TSNARE1: variants seen among roughly 807,000 people sequenced by gnomAD.
TSNARE1 encodes t-SNARE domain-containing protein 1.
TSNARE1 carries 49 observed loss-of-function variants against 62.0 expected under a neutral mutation model. The ratio of observed to expected loss-of-function variants is 0.79; its 90% CI spans 0.63 to 1.00. TSNARE1 has a LOEUF of 1.00. TSNARE1 is among the 50% of genes least tolerant of loss of function. TSNARE1 has a pLI of 0.00. For missense variants in TSNARE1, 755 were observed against 700.1 expected (o/e 1.08, Z -0.88); for synonymous variants, 328 against 294.4 (o/e 1.11, Z -1.17).
At chr8:142,229,679 G>T in intron 12 of TSNARE1, 100 bp from the exon 13 acceptor site, 2 of 1,011,226 alleles carry the variant, frequency 2.0e-6, no homozygotes, top group Non-Finnish European at 3.0e-6. Flanking sequence ...GCATGCAGGG[G>T]CTGAGTCCAC....
At chr8:142,238,360 G>T (rs1342672231) in intron 12 of TSNARE1, among the ~76,000 whole-genome samples, 2 of 152,016 alleles carry the variant, frequency 1.3e-5, no homozygotes, top group African/African-American at 4.8e-5. Flanking sequence ...CTCCTTTCCT[G>T]CCTCCTTTCC....
chr8:142,377,738 C>T (rs947579029), intron 1 of TSNARE1, among the ~76,000 whole-genome samples: 26 of 152,234 alleles, frequency 1.7e-4, no homozygotes, highest in Non-Finnish European at 3.7e-4. Flanking sequence ...AGAGGGACCC[C>T]TCTTCACTGC....
At chr8:142,403,666 G>C (rs1441963088), upstream of TSNARE1, 2 of 152,234 alleles carry the variant, frequency 1.3e-5, no homozygotes, top group African/African-American at 4.8e-5. Flanking sequence ...TCGGCCGGGG[G>C]CTGGCAGGCC....
chr8:142,250,071 T>C (rs1245147566), intron 12 of TSNARE1, among the ~76,000 whole-genome samples: 1 of 152,174 alleles, frequency 6.6e-6, no homozygotes, highest in Non-Finnish European at 1.5e-5. Context: ...CATGCCCTTC[T>C]TCAGAGTGCG....
At position 142,345,816 on chromosome 8, in the gene TSNARE1, GC is replaced by G; in HGVS notation, c.164del (p.Arg55ProfsTer86). ...CPSPESKLQN[R>X]CVGKDGEGDL... ...CACCTTCCCCGTCCTTCCCCACACA[GC>G]GGTTCTGCAGCTTGCTCTCTGGCGA... On this transcript the variant is annotated frameshift_variant, in exon 3 of 14. Transcript: ENST00000524325. LOFTEE classifies it high-confidence loss of function. 6.2e-7 allele frequency: 1 copy of G among 1,613,966 alleles called. No individual in the cohort carries two copies. Among genetic ancestry groups the G allele is most frequent in the South Asian group, 1.1e-5 (1 of 91,062 alleles).
At chr8:142,387,909 A>G (rs1837216258) in intron 1 of TSNARE1, among the ~76,000 whole-genome samples, 1 of 152,214 alleles carries the variant, frequency 6.6e-6, no homozygotes, top group South Asian at 2.1e-4. Flanking sequence ...ATGTTTATGA[A>G]GCAACTATAA....
chr8:142,314,934 C>T, intron 8 of TSNARE1, 69 bp downstream of exon 8: 1 of 1,445,492 alleles, frequency 6.9e-7, no homozygotes, highest in African/African-American at 1.4e-5. Flanking sequence ...ACAGCCATGA[C>T]AGTGCTCCGG....
intron 12 of TSNARE1, chr8:142,273,318 C>T: frequency 1.0e-6 from 1 of 985,448 alleles, no homozygotes; most frequent in Non-Finnish European, 1.2e-6. Context: ...CCTCTTGAAA[C>T]AAGGCCTTCT....
At position 142,315,007 on chromosome 8, in the gene TSNARE1, T is replaced by G; in HGVS notation, c.1070A>C (p.Gln357Pro). ...CTGCCCCCACCAGCACCTCACCTTC[T>G]GCACCACTCCATAGCACTGAATGGC... ...SDAIQCYGVV[Q>P]KKIAEKSRAL... The change falls in exon 8 of 14, where the codon CAG (glutamine) becomes CCG (proline). Residue 357 changes from glutamine to proline, a missense_variant. Transcript: ENST00000524325. 6.2e-7 allele frequency: 1 copy of G among 1,614,104 alleles called. No homozygotes were observed. Among genetic ancestry groups the G allele is most frequent in the Non-Finnish European group, 8.5e-7 (1 of 1,179,988 alleles).
At chr8:142,358,842 C>T (rs1834940185) in intron 1 of TSNARE1, among the ~76,000 whole-genome samples, 1 of 152,084 alleles carries the variant, frequency 6.6e-6, no homozygotes, top group Non-Finnish European at 1.5e-5. Flanking sequence ...AACCCAAACC[C>T]CCCAGGTGCC....
chr8:142,310,071 T>C (rs1401968414), intron 9 of TSNARE1, among the ~76,000 whole-genome samples: 1 of 152,234 alleles, frequency 6.6e-6, no homozygotes, highest in East Asian at 1.9e-4. Flanking sequence ...TCTATCCATT[T>C]TCATTCTGAC....
chr8:142,227,355 AGCCC>A (rs1435823675), intron 13 of TSNARE1, among the ~76,000 whole-genome samples: 13 of 88,478 alleles, frequency 1.5e-4, no homozygotes, highest in African/African-American at 1.1e-3. Flanking sequence ...TCCTGCCCAT[AGCCC>A]CAGTGACAGC....
intron 1 of TSNARE1, among the ~76,000 whole-genome samples, chr8:142,363,089 C>T (rs1203572122): frequency 6.6e-6 from 1 of 152,160 alleles, no homozygotes; most frequent in Non-Finnish European, 1.5e-5. Context: ...CTCCAAGCCG[C>T]CAGCACGGAA....
intron 1 of TSNARE1, among the ~76,000 whole-genome samples, chr8:142,402,307 C>G (rs1838352833): frequency 6.6e-6 from 1 of 152,166 alleles, no homozygotes; most frequent in African/African-American, 2.4e-5. Flanking sequence ...CCCGCGCTGC[C>G]CCACACAGCC....
chr8:142,284,606 G>C (rs1471877427), intron 10 of TSNARE1, 121 bp from the exon 11 acceptor site: 5 of 763,552 alleles, frequency 6.5e-6, no homozygotes, highest in Non-Finnish European at 9.1e-6. Context: ...TCAGGAACCA[G>C]AGAACAGCTG....
intron 6 of TSNARE1, among the ~76,000 whole-genome samples, chr8:142,320,479 C>T (rs779757022): frequency 6.6e-6 from 1 of 151,464 alleles, no homozygotes; most frequent in Non-Finnish European, 1.5e-5. Flanking sequence ...CTTCCCCACA[C>T]TGCCCTCCTG....
At chr8:142,263,734 G>A (rs1296479366) in intron 12 of TSNARE1, among the ~76,000 whole-genome samples, 2 of 152,156 alleles carry the variant, frequency 1.3e-5, no homozygotes, top group African/African-American at 4.8e-5. Context: ...CTAGGAATCT[G>A]TCTATTTTTT....
At position 142,331,522 on chromosome 8, in the gene TSNARE1, C is replaced by A. The variant is rs1261349846; in HGVS notation, c.823+232G>T. 3.9e-5 allele frequency among the ~76,000 whole-genome samples: 6 copies of A among 152,344 alleles called. No individual in the cohort carries two copies. The East Asian group carries it at 1.2e-3, about 29-fold the overall frequency. On this transcript the variant is annotated intron_variant, in intron 5 of 13. Coordinates refer to ENST00000524325, the MANE Select transcript of TSNARE1 (RefSeq NM_145003.5). ...GGAGCGGTACCCGGCCCTGACCCAG[C>A]CCTTGCTCCTTCCCACCCATGAAAC...
chr8:142,369,752 C>T (rs1835796956), intron 1 of TSNARE1, among the ~76,000 whole-genome samples: 1 of 152,056 alleles, frequency 6.6e-6, no homozygotes, highest in Non-Finnish European at 1.5e-5. Flanking sequence ...AGTCAGTCAA[C>T]CTGAAATTAC....
Sources: allele counts gnomAD v4.1 joint callset (sites outside exome capture counted in the v4.1 genomes callset), GRCh38; gene constraint gnomAD v4.1.1; transcripts MANE v1.5; gene names NCBI Gene and HGNC (gene_info 2026-07-23, HGNC 2026-07-21).